JADE2: variants seen among roughly 807,000 people sequenced by gnomAD.
The protein encoded by JADE2 is jade family PHD finger 2.
JADE2 carries 13 observed loss-of-function variants against 85.7 expected under a neutral mutation model. The ratio of observed to expected loss-of-function variants is 0.15; its 90% CI spans 0.10 to 0.24. JADE2 has a LOEUF of 0.24. Among genes scored for constraint, JADE2 ranks in the 10% least tolerant of loss-of-function variants. The pLI, the probability that JADE2 is intolerant of heterozygous loss-of-function variation, is 1.00. For synonymous variants in JADE2, 440 were observed against 456.1 expected (o/e 0.96, Z 0.45); for missense variants, 846 against 1,115.9 (o/e 0.76, Z 3.45).
chr5:134,546,347 A>G (rs1399125356), intron 3 of JADE2, among the ~76,000 whole-genome samples: 1 of 152,154 alleles, frequency 6.6e-6, no homozygotes, highest in Admixed American at 6.6e-5. Context: ...TTGTTCCACA[A>G]GCATTTCTTG....
intron 6 of JADE2, 21 bp downstream of exon 6, chr5:134,560,978 C>A (rs368924716): frequency 6.2e-7 from 1 of 1,602,162 alleles, no homozygotes; most frequent in African/African-American, 1.3e-5. Context: ...CCCCCAGTCA[C>A]CCTCACCTGT....
At position 134,581,807 on chromosome 5, in the gene JADE2, G is replaced by C. The variant is rs548511218; in HGVS notation, c.*2490G>C. 1 of 152,616 alleles carries C rather than the reference G, an allele frequency of 6.6e-6. No homozygotes were observed. Among genetic ancestry groups the C allele is most frequent in the South Asian group, 2.1e-4 (1 of 4,826 alleles). The allele number at this position is 152,616 out of a possible 1,614,324, so 9.5% of individuals were successfully genotyped here. On this transcript the variant is annotated 3_prime_UTR_variant, in exon 12 of 12. Coordinates refer to ENST00000681547, the MANE Select transcript of JADE2 (RefSeq NM_001388185.1). Reference sequence around the variant, plus strand: ...GGGTGCCCTTTCACTCCCAGGCCAAGCCCTGGAGCAATCTTCTTCAGGCAG... The same window carrying C: ...GGGTGCCCTTTCACTCCCAGGCCAACCCCTGGAGCAATCTTCTTCAGGCAG...
chr5:134,567,048 A>G (rs1381890881), intron 9 of JADE2, among the ~76,000 whole-genome samples: 1 of 152,206 alleles, frequency 6.6e-6, no homozygotes. Context: ...GGGCATCAAG[A>G]GCCAGGAGCA....
intron 9 of JADE2, 41 bp from the exon 10 acceptor site, chr5:134,573,604 T>C (rs1764175677): frequency 1.4e-6 from 2 of 1,461,840 alleles, no homozygotes; most frequent in East Asian, 4.5e-5. Context: ...TCTGGGGTGG[T>C]TGCCTGTGAG....
chr5:134,531,137 G>A (rs937661799), intron 1 of JADE2, among the ~76,000 whole-genome samples: 3 of 152,230 alleles, frequency 2.0e-5, no homozygotes, highest in Admixed American at 6.5e-5. Context: ...AAACCTGAAG[G>A]TTGAAAAGTC....
Position 134,562,302 on chromosome 5 carries a change from GC to G in JADE2, c.789del (p.Leu264Ter). 6.2e-7 allele frequency: 1 copy of G among 1,614,162 alleles called. No individual in the cohort carries two copies. The highest frequency in any genetic ancestry group is 8.5e-7 in the Non-Finnish European group (1 of 1,180,022). ...KCLLCPKRGGALKPTRSGTKW... is the reference protein window; with the variant it reads ...KCLLCPKRGGXLKPTRSGTKW... Reference sequence around the variant, plus strand: ...CCTGCTCTGCCCCAAGCGAGGAGGAGCCTTGAAGCCCACTAGAAGTGGGACC... The same window carrying G: ...CCTGCTCTGCCCCAAGCGAGGAGGAGCTTGAAGCCCACTAGAAGTGGGACC... On this transcript the variant is annotated frameshift_variant, in exon 7 of 12. Coordinates refer to ENST00000681547, the MANE Select transcript of JADE2 (RefSeq NM_001388185.1). LOFTEE classifies it high-confidence loss of function. This position sits in a 1 kb window ranked among gnomAD's most constrained non-coding sequence, Gnocchi z 4.6.
In JADE2 at chr5:134,525,917, G is replaced by A. The variant is rs1760778535; in HGVS notation, c.-95G>A. On this transcript the variant is annotated 5_prime_UTR_variant, in exon 1 of 12. Coordinates refer to ENST00000681547, the MANE Select transcript of JADE2 (RefSeq NM_001388185.1). ...CCCCCGCCCTCCCGCGCCGGCCCCA[G>A]GAGCTCCCGGCTTCGGGAGCATCCT... 1.0e-6 allele frequency: 1 copy of A among 985,696 alleles called. No individual in the cohort carries two copies. The allele number at this position is 985,696 out of a possible 1,614,324, so 61.1% of individuals were successfully genotyped here.
At chr5:134,567,476 C>T (rs1763716219) in intron 9 of JADE2, among the ~76,000 whole-genome samples, 1 of 152,160 alleles carries the variant, frequency 6.6e-6, no homozygotes, top group Non-Finnish European at 1.5e-5. Flanking sequence ...TCTGGTCTCT[C>T]CTCTCTGGGA....
intron 10 of JADE2, chr5:134,574,488 A>T (rs1434199312): frequency 6.6e-6 from 1 of 152,264 alleles, no homozygotes; most frequent in Non-Finnish European, 1.5e-5. Flanking sequence ...GGATGGAGAG[A>T]GATTTTGAGC....
At chr5:134,544,545 G>A (rs1216478490) in intron 3 of JADE2, 2 of 166,764 alleles carry the variant, frequency 1.2e-5, no homozygotes, top group East Asian at 1.9e-4. Flanking sequence ...AGAGGTGAGT[G>A]GGGCAGGAGG....
At position 134,578,740 on chromosome 5, in the gene JADE2, G is replaced by A. The variant is rs763562557; in HGVS notation, c.1928G>A (p.Arg643His). 9.9e-6 allele frequency: 16 copies of A among 1,613,456 alleles called. No individual in the cohort carries two copies. Among genetic ancestry groups the A allele is most frequent in the Admixed American group, 3.3e-5 (2 of 60,026 alleles). Reference sequence around the variant, plus strand: ...GCTAGGAAGGCCCGAGGCCGCACCCGCCTGCCTGCCAAGAAGAAACCACCA... The same window carrying A: ...GCTAGGAAGGCCCGAGGCCGCACCCACCTGCCTGCCAAGAAGAAACCACCA... ...DPARKARGRT[R>H]LPAKKKPPPP... Residue 643 changes from arginine to histidine, a missense_variant, in exon 12 of 12, where the codon CGC becomes CAC. Coordinates refer to ENST00000681547, the MANE Select transcript of JADE2 (RefSeq NM_001388185.1). The surrounding 1 kb of genome is among the most constrained non-coding windows in gnomAD (Gnocchi z 4.4).
At chr5:134,575,795 A>G (rs558473597) in intron 10 of JADE2, 1 of 152,130 alleles carries the variant, frequency 6.6e-6, no homozygotes, top group Non-Finnish European at 1.5e-5. Flanking sequence ...CTTGGGGAGC[A>G]GAAGTAGGAT....
At chr5:134,573,609 TGTGA>T (rs770761157) in intron 9 of JADE2, 32 bp from the exon 10 acceptor site, 31 of 1,514,458 alleles carry the variant, frequency 2.0e-5, no homozygotes, top group South Asian at 4.5e-5. Context: ...GGTGGTTGCC[TGTGA>T]GTAAGGTGGA....
At chr5:134,533,786 G>A (rs531618101) in intron 1 of JADE2, among the ~76,000 whole-genome samples, 4 of 136,306 alleles carry the variant, frequency 2.9e-5, no homozygotes, top group East Asian at 4.7e-4. Context: ...TTACTCTGTC[G>A]CCAAGGCTGG....
chr5:134,546,233 A>G (rs1386416435), intron 3 of JADE2, among the ~76,000 whole-genome samples: 1 of 151,936 alleles, frequency 6.6e-6, no homozygotes, highest in East Asian at 1.9e-4. Flanking sequence ...CAGTGGCATG[A>G]TCTCAGCTCA....
At chr5:134,542,420 C>T (rs1762015393) in intron 3 of JADE2, among the ~76,000 whole-genome samples, 1 of 151,602 alleles carries the variant, frequency 6.6e-6, no homozygotes, top group Admixed American at 6.6e-5. Flanking sequence ...GGAGTAGCAC[C>T]CTAGGTACCT....
chr5:134,536,008 TAA>T, intron 2 of JADE2, 93 bp downstream of exon 2: 1 of 1,025,228 alleles, frequency 9.8e-7, no homozygotes, highest in East Asian at 2.4e-5. Flanking sequence ...CCTGTGGTCT[TAA>T]TTTCACTAAG....
At chr5:134,530,169 C>G (rs921405036) in intron 1 of JADE2, among the ~76,000 whole-genome samples, 3 of 152,064 alleles carry the variant, frequency 2.0e-5, no homozygotes, top group Non-Finnish European at 2.9e-5. Context: ...CGGTTTAAAG[C>G]GGTTTAAGAG....
chr5:134,569,751 G>A (rs1457417153), intron 9 of JADE2, among the ~76,000 whole-genome samples: 1 of 152,140 alleles, frequency 6.6e-6, no homozygotes, highest in Non-Finnish European at 1.5e-5. Flanking sequence ...GAAGGAAGTG[G>A]GTCCTGGCCT....
Sources: allele counts gnomAD v4.1 joint callset (sites outside exome capture counted in the v4.1 genomes callset), GRCh38; gene constraint gnomAD v4.1.1; non-coding constraint Gnocchi (gnomAD v3.1); transcripts MANE v1.5; gene names NCBI Gene and HGNC (gene_info 2026-07-23, HGNC 2026-07-21).